The following PPIG variants were observed in gnomAD, a reference collection of about 807,000 sequenced individuals.
PPIG encodes peptidyl-prolyl cis-trans isomerase G.
PPIG carries 26 observed loss-of-function variants against 87.9 expected under a neutral mutation model. The ratio of observed to expected loss-of-function variants is 0.30; its 90% CI spans 0.22 to 0.41. PPIG has a LOEUF of 0.41. Ranked by LOEUF, PPIG falls within the 10% of genes least tolerant of loss-of-function variation. PPIG has a pLI of 1.00. For missense variants in PPIG, 722 were observed against 879.4 expected (o/e 0.82, Z 2.26); for synonymous variants, 308 against 276.5 (o/e 1.11, Z -1.13).
intron 9 of PPIG, among the ~76,000 whole-genome samples, chr2:169,620,790 C>G (rs1436382041): frequency 6.6e-6 from 1 of 152,012 alleles, no homozygotes; most frequent in Non-Finnish European, 1.5e-5. Context: ...GTGGCTGATA[C>G]TATTTTATTA....
rs898588126 is a variant in PPIG, at chr2:169,637,294, A to G, written c.2036A>G (p.Glu679Gly). 8.1e-6 allele frequency: 13 copies of G among 1,604,932 alleles called. No homozygotes were observed. Among genetic ancestry groups the G allele is most frequent in the Non-Finnish European group, 1.1e-5 (13 of 1,177,770 alleles). Reference protein sequence around the residue: ...RDHNSSNNSREKKADRDQSPF... With the variant: ...RDHNSSNNSRGKKADRDQSPF... ...CATAATAGCTCAAATAACAGCAGGG[A>G]AAAAAAGGCTGATAGAGATCAAAGT... Residue 679 changes from glutamate to glycine, a missense_variant, in exon 14 of 14, where the codon GAA becomes GGA. Physicochemically the swap from Glu to Gly is moderately conservative, Grantham distance 98 (BLOSUM62 -2). Around this residue, in one of 4 missense-constraint regions of PPIG, gnomAD observed 476 missense variants for 483.1 expected, o/e 0.99. Coordinates refer to ENST00000260970, the MANE Select transcript of PPIG (RefSeq NM_004792.3).
rs1420106533 is a variant in PPIG at position 169,603,665 on chromosome 2, G to GT, written c.-37dup. ...AGGAGCACAGGGATCAGTTGTCCTT[G>GT]TTTTTTTTTGGTCTTTTCTTCATTT... On this transcript the variant is annotated 5_prime_UTR_variant, in exon 2 of 14. An upstream open reading frame in the 5' UTR gains an earlier in-frame stop. Transcript: ENST00000260970. 1.7e-3 allele frequency: 283 copies of GT among 167,814 alleles called. No homozygotes were observed. Among genetic ancestry groups the GT allele is most frequent in the South Asian group, 0.011 (67 of 6,214 alleles). The allele number at this position is 167,814 out of a possible 1,614,324, so 10.4% of individuals were successfully genotyped here. A position where few individuals can be genotyped will look rare whatever the true frequency, so the allele number is the denominator to read the frequency against.
intron 6 of PPIG, among the ~76,000 whole-genome samples, chr2:169,608,350 G>A (rs574699837): frequency 1.1e-4 from 17 of 152,034 alleles, no homozygotes; most frequent in South Asian, 8.3e-4. Flanking sequence ...TTAGCTGGGC[G>A]TGGTGATGGG....
At chr2:169,593,079 A>G (rs1039351706) in intron 1 of PPIG, among the ~76,000 whole-genome samples, 1 of 152,104 alleles carries the variant, frequency 6.6e-6, no homozygotes, top group Non-Finnish European at 1.5e-5. Flanking sequence ...AATACATCTT[A>G]TAGCCATTTC....
At position 169,626,349 on chromosome 2, in the gene PPIG, A is replaced by G. The variant is rs553694029; in HGVS notation, c.548-4425A>G. Among the ~76,000 whole-genome samples the G allele has an allele frequency of 8.5e-5, 13 of 152,254 alleles. No individual in the cohort carries two copies. The South Asian group carries it at 2.7e-3, about 32-fold the overall frequency. ...TTTTTTCTGAGCAGACTTATACAAA[A>G]AGGAACATAAATTAAATTTGCCAAA... On this transcript the variant is annotated intron_variant, in intron 9 of 13. Coordinates refer to ENST00000260970, the MANE Select transcript of PPIG (RefSeq NM_004792.3).
chr2:169,604,305 C>G, intron 4 of PPIG, 44 bp downstream of exon 4: 1 of 572,726 alleles, frequency 1.7e-6, no homozygotes, highest in Non-Finnish European at 2.9e-6. Flanking sequence ...TCTCAGTTGA[C>G]TATGGCTTGC....
At chr2:169,587,690 A>G (rs558651672) in intron 1 of PPIG, among the ~76,000 whole-genome samples, 45 of 152,264 alleles carry the variant, frequency 3.0e-4, no homozygotes, top group African/African-American at 1.0e-3. Flanking sequence ...TTTACTACAG[A>G]CAGTATTCAG....
At chr2:169,627,725 T>TTTTA (rs1491338209) in intron 9 of PPIG, among the ~76,000 whole-genome samples, 28 of 143,002 alleles carry the variant, frequency 2.0e-4, no homozygotes, top group African/African-American at 6.8e-4. Flanking sequence ...TTTTTTTTTT[T>TTTTA]AATTTCAAAC....
intron 9 of PPIG, among the ~76,000 whole-genome samples, chr2:169,626,713 T>C (rs1041594416): frequency 2.0e-5 from 3 of 148,594 alleles, no homozygotes; most frequent in Non-Finnish European, 4.5e-5. Context: ...TTAGAGCTTT[T>C]TTATTTGTTA....
chr2:169,587,811 T>C (rs905460488), intron 1 of PPIG, among the ~76,000 whole-genome samples: 2 of 152,178 alleles, frequency 1.3e-5, no homozygotes. Context: ...GAAATTTGAT[T>C]ATATAACACT....
chr2:169,612,423 GC>G (rs1685514686), intron 7 of PPIG, among the ~76,000 whole-genome samples: 1 of 117,602 alleles, frequency 8.5e-6, no homozygotes, highest in African/African-American at 3.5e-5. Context: ...TTGCTCTGTT[GC>G]CCAGCCTGGA....
In PPIG at chr2:169,638,397, A is replaced by G. The variant is rs902869903; in HGVS notation, c.*874A>G. On this transcript the variant is annotated 3_prime_UTR_variant, in exon 14 of 14. Coordinates refer to ENST00000260970, the MANE Select transcript of PPIG (RefSeq NM_004792.3). ...TACCATTTGTGCAGGTCCTTAAGCT[A>G]TACAGATTCTAAAAATTGTTAGTAT... is the stretch of plus-strand genomic sequence containing the variant. 1.3e-5 allele frequency: 2 copies of G among 151,832 alleles called. No individual in the cohort carries two copies. The highest frequency in any genetic ancestry group is 4.8e-5 in the African/African-American group (2 of 41,354). 9.4% of individuals were successfully genotyped at this position (151,832 alleles called of 1,614,324 possible).
chr2:169,609,081 CA>C (rs577846491), intron 7 of PPIG, among the ~76,000 whole-genome samples: 47,992 of 105,826 alleles, frequency 0.45, 8,421 homozygotes, highest in East Asian at 0.61. Context: ...AAGACTGTCT[CA>C]AAAAAAAAAA....
At chr2:169,619,664 C>T (rs1481395247) in intron 9 of PPIG, among the ~76,000 whole-genome samples, 3 of 151,856 alleles carry the variant, frequency 2.0e-5, no homozygotes, top group Non-Finnish European at 2.9e-5. Context: ...AGACTTCATT[C>T]GGTTTTCTAA....
intron 12 of PPIG, among the ~76,000 whole-genome samples, chr2:169,634,648 C>G (rs1478651788): frequency 6.6e-6 from 1 of 152,178 alleles, no homozygotes; most frequent in East Asian, 1.9e-4. Flanking sequence ...TAATCTGATT[C>G]TCCCCTTTCA....
chr2:169,592,150 A>G (rs1269745922), intron 1 of PPIG, among the ~76,000 whole-genome samples: 3 of 149,458 alleles, frequency 2.0e-5, no homozygotes, highest in Non-Finnish European at 4.4e-5. Context: ...CTGGTCATGG[A>G]TATTTTATTT....
At chr2:169,595,082 C>T (rs1391016780) in intron 1 of PPIG, among the ~76,000 whole-genome samples, 1 of 152,118 alleles carries the variant, frequency 6.6e-6, no homozygotes, top group African/African-American at 2.4e-5. Context: ...GTGCCCACCA[C>T]CTCATGCAGC....
At chr2:169,612,629 G>C (rs1486447127) in intron 7 of PPIG, among the ~76,000 whole-genome samples, 1 of 152,076 alleles carries the variant, frequency 6.6e-6, no homozygotes, top group African/African-American at 2.4e-5. Flanking sequence ...TGATCCACCC[G>C]CCTTGGCCTC....
At chr2:169,619,902 G>C (rs1420255978) in intron 9 of PPIG, among the ~76,000 whole-genome samples, 2 of 151,988 alleles carry the variant, frequency 1.3e-5, no homozygotes, top group African/African-American at 4.8e-5. Flanking sequence ...TATCTCTTCA[G>C]ATTCTTTTCC....
Sources: gnomAD v4.1 joint callset for allele counts (sites outside exome capture counted in the v4.1 genomes callset) on GRCh38, gnomAD v4.1.1 for gene constraint, gnomAD v4.1.1 regional missense constraint, MANE v1.5 for transcripts, NCBI Gene and HGNC (gene_info 2026-07-23, HGNC 2026-07-21) for gene names.